MALRD1: variants seen among roughly 807,000 people sequenced by gnomAD.
MALRD1 encodes MAM and LDL receptor class A domain containing 1, also known as MAM and LDL-receptor class A domain-containing protein 1.
A neutral mutation model predicts 242.1 loss-of-function variants in MALRD1; 247 were observed. That is an observed-to-expected ratio of 1.02 (90% CI 0.92 to 1.13). The LOEUF is 1.13. Among genes scored for constraint, MALRD1 ranks in the 50% most tolerant of loss-of-function variants. MALRD1 has a pLI of 0.00. For missense variants in MALRD1, 2,989 were observed against 2,533.1 expected (o/e 1.18, Z -3.86); for synonymous variants, 995 against 866.6 (o/e 1.15, Z -2.60).
At chr10:19,589,466 T>C (rs185339143) in intron 33 of MALRD1, among the ~76,000 whole-genome samples, 188 of 152,274 alleles carry the variant, frequency 1.2e-3, no homozygotes, top group African/African-American at 4.4e-3. Context: ...AGATACGCTT[T>C]ATTGCTGATT....
intron 14 of MALRD1, among the ~76,000 whole-genome samples, chr10:19,188,304 A>G (rs1835825425): frequency 6.6e-6 from 1 of 152,208 alleles, no homozygotes; most frequent in African/African-American, 2.4e-5. Flanking sequence ...GTGGCTTAAC[A>G]AGAGGAACTT....
At chr10:19,463,443 A>G (rs1385269383) in intron 29 of MALRD1, among the ~76,000 whole-genome samples, 3 of 151,804 alleles carry the variant, frequency 2.0e-5, no homozygotes, top group East Asian at 1.9e-4. Context: ...AGAGCATAGG[A>G]TGTTTGGTTT....
intron 28 of MALRD1, among the ~76,000 whole-genome samples, chr10:19,445,801 G>A (rs775696276): frequency 2.3e-4 from 35 of 152,330 alleles, no homozygotes; most frequent in Admixed American, 4.6e-4. Context: ...TCCGTGCTGG[G>A]AGAACCACTA....
intron 5 of MALRD1, among the ~76,000 whole-genome samples, chr10:19,118,739 C>T (rs187224249): frequency 2.9e-4 from 44 of 152,230 alleles, no homozygotes; most frequent in African/African-American, 1.0e-3. Flanking sequence ...AGGTTAACTT[C>T]GGAATGTCTG....
At chr10:19,101,945 T>C (rs1226335501) in intron 4 of MALRD1, among the ~76,000 whole-genome samples, 1 of 136,344 alleles carries the variant, frequency 7.3e-6, no homozygotes, top group African/African-American at 2.6e-5. Flanking sequence ...TGATTAAAAA[T>C]ATCTGTATCT....
At chr10:19,445,593 A>G (rs1490222644) in intron 28 of MALRD1, among the ~76,000 whole-genome samples, 1 of 152,224 alleles carries the variant, frequency 6.6e-6, no homozygotes, top group South Asian at 2.1e-4. Context: ...TTACCTGGGT[A>G]TCACCAGTGG....
chr10:19,459,635 T>G (rs2131088607), intron 29 of MALRD1, among the ~76,000 whole-genome samples: 1 of 152,150 alleles, frequency 6.6e-6, no homozygotes, highest in East Asian at 1.9e-4. Flanking sequence ...CATGGATGAA[T>G]CTAATTACTT....
intron 31 of MALRD1, among the ~76,000 whole-genome samples, chr10:19,503,645 T>A (rs1838073185): frequency 6.6e-6 from 1 of 152,222 alleles, no homozygotes; most frequent in African/African-American, 2.4e-5. Flanking sequence ...TTCATAACTT[T>A]ATGTTCTTTT....
intron 33 of MALRD1, among the ~76,000 whole-genome samples, chr10:19,594,244 CT>C (rs1404013844): frequency 6.6e-6 from 1 of 152,128 alleles, no homozygotes; most frequent in Admixed American, 6.6e-5. Flanking sequence ...AAAATTTCTT[CT>C]TTAATTTGAA....
intron 31 of MALRD1, among the ~76,000 whole-genome samples, chr10:19,511,973 G>T (rs917923826): frequency 4.6e-5 from 7 of 152,026 alleles, no homozygotes; most frequent in Non-Finnish European, 1.0e-4. Flanking sequence ...GGTCAGTTTT[G>T]CCTTGAGGTC....
At chr10:19,566,298 A>ATTTTTTTTTTTTTTTT (rs10548629) in intron 32 of MALRD1, among the ~76,000 whole-genome samples, 4 of 111,040 alleles carry the variant, frequency 3.6e-5, no homozygotes, top group Non-Finnish European at 7.2e-5. Flanking sequence ...TGCCTGGCTA[A>ATTTTTTTTTTTTTTTT]TTTTTTTTTT....
At chr10:19,695,519 CTT>C (rs10579256) in intron 38 of MALRD1, among the ~76,000 whole-genome samples, 57,122 of 117,368 alleles carry the variant, frequency 0.49, 12,364 homozygotes, top group African/African-American at 0.54. Flanking sequence ...GTTTTTCTTT[CTT>C]TTTTTTTTTT....
At chr10:19,518,568 G>A (rs1387726990) in intron 31 of MALRD1, among the ~76,000 whole-genome samples, 2 of 151,980 alleles carry the variant, frequency 1.3e-5, no homozygotes, top group Non-Finnish European at 2.9e-5. Context: ...GACATACGTT[G>A]CCTTCATAAT....
chr10:19,449,832 T>TA (rs1360636692), intron 28 of MALRD1, among the ~76,000 whole-genome samples: 4 of 152,122 alleles, frequency 2.6e-5, no homozygotes, highest in Non-Finnish European at 5.9e-5. Flanking sequence ...CCCCTGAACC[T>TA]AAAATAAAAG....
intron 28 of MALRD1, among the ~76,000 whole-genome samples, chr10:19,397,590 A>G (rs765429906): frequency 1.5e-4 from 23 of 152,122 alleles, no homozygotes; most frequent in Non-Finnish European, 3.1e-4. Flanking sequence ...TTTCCTTTGA[A>G]TATATACCCA....
At chr10:19,521,563 A>G (rs1048788439) in intron 31 of MALRD1, among the ~76,000 whole-genome samples, 5 of 152,114 alleles carry the variant, frequency 3.3e-5, no homozygotes, top group Admixed American at 2.0e-4. Context: ...TTATTTCTGC[A>G]ACTAGTAATT....
intron 38 of MALRD1, among the ~76,000 whole-genome samples, chr10:19,730,336 G>A (rs936633103): frequency 4.6e-5 from 7 of 152,112 alleles, no homozygotes; most frequent in Admixed American, 2.6e-4. Context: ...ACTTCAAGAT[G>A]GCCTTTCTTT....
chr10:19,053,506 C>G (rs1834570095), intron 1 of MALRD1, among the ~76,000 whole-genome samples: 1 of 152,148 alleles, frequency 6.6e-6, no homozygotes, highest in Admixed American at 6.5e-5. Context: ...TGGCAAATTG[C>G]TTCGTCTTTC....
chr10:19,519,783 C>A (rs1460551549), intron 31 of MALRD1, among the ~76,000 whole-genome samples: 1 of 152,126 alleles, frequency 6.6e-6, no homozygotes, highest in South Asian at 2.1e-4. Context: ...TAACAAAAAA[C>A]TGGTTCTGAT....
Sources: allele counts gnomAD v4.1 joint callset (sites outside exome capture counted in the v4.1 genomes callset), GRCh38; gene constraint gnomAD v4.1.1; transcripts MANE v1.5; gene names NCBI Gene and HGNC (gene_info 2026-07-23, HGNC 2026-07-21).